The following IL20RB variants were observed in gnomAD, a reference collection of about 807,000 sequenced individuals.
The protein encoded by IL20RB is interleukin 20 receptor subunit beta.
In IL20RB, 21 loss-of-function variants were observed where a neutral mutation model predicts 33.3. The ratio of observed to expected loss-of-function variants is 0.63; its 90% CI spans 0.45 to 0.91. The LOEUF (loss-of-function observed/expected upper bound fraction) is 0.91, where lower values mean the gene tolerates loss of function less well. Ranked by LOEUF, IL20RB falls within the 40% of genes least tolerant of loss-of-function variation. The probability of loss-of-function intolerance (pLI) is 0.00; values close to 1 mark genes in which losing one functional copy is unlikely to be tolerated. For missense variants in IL20RB, 345 were observed against 384.8 expected (o/e 0.90, Z 0.86); for synonymous variants, 147 against 146.8 (o/e 1.00, Z -0.01).
chr3:137,010,037 TA>T lies in IL20RB; in HGVS notation c.826-71del, dbSNP rs1193944855. On this transcript the variant is annotated intron_variant, in intron 6 of 6. Transcript: ENST00000329582. ...CTTGGAAATTAATTAATCAAATAGT[TA>T]AAAATGTAATAATATTCTTTAGTAT... 2.3e-5 allele frequency: 17 copies of T among 755,094 alleles called. 1 individual carries two copies. In the African/African-American group the frequency reaches 2.9e-4, roughly 13 times the overall value. 46.8% of individuals were successfully genotyped at this position (755,094 alleles called of 1,614,324 possible). A position where few individuals can be genotyped will look rare whatever the true frequency, so the allele number is the denominator to read the frequency against.
intron 6 of IL20RB, among the ~76,000 whole-genome samples, chr3:137,003,443 C>T (rs954451227): frequency 4.6e-5 from 7 of 152,116 alleles, no homozygotes; most frequent in African/African-American, 9.7e-5. Flanking sequence ...TCTTTTATTT[C>T]GTTGAGCAGT....
At chr3:136,991,807 A>G (rs1015370239) in intron 4 of IL20RB, 131 bp from the exon 5 acceptor site, 13 of 778,776 alleles carry the variant, frequency 1.7e-5, no homozygotes, top group Non-Finnish European at 2.6e-5. Flanking sequence ...GGGGTGTTTC[A>G]CCATGTTGGT....
At chr3:136,979,649 C>T (rs1941718773) in intron 1 of IL20RB, among the ~76,000 whole-genome samples, 1 of 151,794 alleles carries the variant, frequency 6.6e-6, no homozygotes, top group African/African-American at 2.4e-5. Flanking sequence ...TCTGGGCACA[C>T]TGTGTCTGGG....
chr3:136,981,874 G>A (rs1941783565), intron 2 of IL20RB, among the ~76,000 whole-genome samples: 1 of 152,162 alleles, frequency 6.6e-6, no homozygotes, highest in African/African-American at 2.4e-5. Context: ...ATCACAGCAA[G>A]GCAAGGAATG....
rs1342634009 is a variant in IL20RB, at chr3:136,966,538, T to G, written c.88+8337T>G. On this transcript the variant is annotated intron_variant, in intron 1 of 6. Coordinates refer to ENST00000329582, the MANE Select transcript of IL20RB (RefSeq NM_144717.4). The stretch of plus-strand genomic sequence containing the variant: ...GTTTGTATTTCTGTGTTATCGGTGG[T>G]GATATCCCCTTTATCATTTTTTATT... Among the ~76,000 whole-genome samples the G allele has an allele frequency of 4.3e-5, 4 of 91,990 alleles. 1 individual carries two copies. Among genetic ancestry groups the G allele is most frequent in the African/African-American group, 8.9e-5 (2 of 22,474 alleles). The allele number at this position is 91,990 out of a possible 152,430, so 60.3% of individuals were successfully genotyped here. A position where few individuals can be genotyped will look rare whatever the true frequency, so the allele number is the denominator to read the frequency against.
chr3:136,966,044 G>A (rs1231933324), intron 1 of IL20RB, among the ~76,000 whole-genome samples: 2 of 110,754 alleles, frequency 1.8e-5, no homozygotes, highest in East Asian at 3.8e-4. Flanking sequence ...CAGGGATGAA[G>A]CCCACTTGAT....
chr3:136,971,890 T>G (rs1941495827), intron 1 of IL20RB, among the ~76,000 whole-genome samples: 1 of 152,238 alleles, frequency 6.6e-6, no homozygotes. Context: ...ATTCTGTTTT[T>G]AGTTTTTTGA....
chr3:136,981,941 A>T lies in IL20RB; in HGVS notation c.216-219A>T, dbSNP rs966818561. The T allele has an allele frequency of 1.6e-5, 6 of 369,996 alleles. No homozygotes were observed. The Admixed American group carries it at 2.6e-4, about 16-fold the overall frequency. The allele number at this position is 369,996 out of a possible 1,614,324, so 22.9% of individuals were successfully genotyped here. On this transcript the variant is annotated intron_variant, in intron 2 of 6. Transcript: ENST00000329582. Reference sequence around the variant, plus strand: ...AGATGAAGAGATAAAAGAGATCCAGACACATTGATGTTTATGCCTAGCTTT... The same window carrying T: ...AGATGAAGAGATAAAAGAGATCCAGTCACATTGATGTTTATGCCTAGCTTT...
Position 137,003,240 on chromosome 3 carries a change from C to T in IL20RB, c.826-6873C>T, listed in dbSNP as rs6796197. Among the ~76,000 whole-genome samples, 345 of 152,242 alleles carry T rather than the reference C, an allele frequency of 2.3e-3. 2 individuals carry two copies. The highest frequency in any genetic ancestry group is 8.0e-3 in the African/African-American group (331 of 41,546). On this transcript the variant is annotated intron_variant, in intron 6 of 6. Coordinates refer to ENST00000329582, the MANE Select transcript of IL20RB (RefSeq NM_144717.4). ...CTTTGTTCTTTTGGCTTAGGATTCT[C>T]TTGGCAATGCGGGCTCTTTTTTGGT...
intron 1 of IL20RB, among the ~76,000 whole-genome samples, chr3:136,979,493 A>C (rs952438836): frequency 2.6e-5 from 4 of 152,182 alleles, no homozygotes; most frequent in African/African-American, 9.7e-5. Flanking sequence ...TTAAACAGGA[A>C]CATAGCAGAG....
chr3:137,007,307 C>G (rs982686564), intron 6 of IL20RB, among the ~76,000 whole-genome samples: 1 of 152,102 alleles, frequency 6.6e-6, no homozygotes, highest in Non-Finnish European at 1.5e-5. Context: ...CTGGGAGAAC[C>G]ACTGCTCTCT....
intron 3 of IL20RB, among the ~76,000 whole-genome samples, chr3:136,983,677 G>A (rs901903747): frequency 2.0e-5 from 3 of 152,276 alleles, no homozygotes; most frequent in East Asian, 1.9e-4. Flanking sequence ...AATAACCCAG[G>A]GGGAAACAAC....
intron 1 of IL20RB, among the ~76,000 whole-genome samples, chr3:136,962,884 A>G (rs75227388): frequency 2.8e-5 from 4 of 141,664 alleles, no homozygotes; most frequent in Non-Finnish European, 4.6e-5. Context: ...AAAAAAAAAA[A>G]AGCATTAGGG....
intron 1 of IL20RB, 97 bp downstream of exon 1, chr3:136,958,298 T>C (rs1383638941): frequency 8.3e-6 from 6 of 719,088 alleles, no homozygotes; most frequent in African/African-American, 1.8e-5. Flanking sequence ...GAAATATGTG[T>C]ATAGAATATC....
At chr3:136,976,666 C>T (rs903983849) in intron 1 of IL20RB, among the ~76,000 whole-genome samples, 1 of 152,218 alleles carries the variant, frequency 6.6e-6, no homozygotes, top group African/African-American at 2.4e-5. Context: ...GGAGCTCATT[C>T]CCAGTTTGTG....
chr3:137,004,419 A>G (rs1942310227), intron 6 of IL20RB, among the ~76,000 whole-genome samples: 1 of 152,166 alleles, frequency 6.6e-6, no homozygotes, highest in Non-Finnish European at 1.5e-5. Context: ...TTGTTAGGCT[A>G]TTAATTATTG....
chr3:136,982,496 A>G, intron 3 of IL20RB, 146 bp downstream of exon 3: 1 of 535,244 alleles, frequency 1.9e-6, no homozygotes, highest in Non-Finnish European at 3.1e-6. Flanking sequence ...TTACTGGTAT[A>G]TTTGAAAAAT....
chr3:136,963,693 A>C (rs796735927), intron 1 of IL20RB, among the ~76,000 whole-genome samples: 2,203 of 62,630 alleles, frequency 0.035, 49 homozygotes, highest in Non-Finnish European at 0.04. Flanking sequence ...TTTTTTTTTT[A>C]TTTTTTTTTT....
At chr3:137,002,089 G>T (rs979490712) in intron 6 of IL20RB, among the ~76,000 whole-genome samples, 3 of 152,110 alleles carry the variant, frequency 2.0e-5, no homozygotes, top group Non-Finnish European at 4.4e-5. Context: ...CCATGTCCCT[G>T]CAAAGGACAT....
Sources: gnomAD v4.1 joint callset for allele counts (sites outside exome capture counted in the v4.1 genomes callset) on GRCh38, gnomAD v4.1.1 for gene constraint, MANE v1.5 for transcripts, NCBI Gene and HGNC (gene_info 2026-07-23, HGNC 2026-07-21) for gene names.